The following ADAMTS20 variants were observed in gnomAD, a reference collection of about 807,000 sequenced individuals.
ADAMTS20 encodes the protein ADAM metallopeptidase with thrombospondin type 1 motif 20.
In ADAMTS20, 225 loss-of-function variants were observed where a neutral mutation model predicts 260.1. That is an observed-to-expected ratio of 0.87 (90% confidence interval 0.78 to 0.97). The LOEUF is 0.97. ADAMTS20 is among the 50% of genes least tolerant of loss of function. The probability of loss-of-function intolerance (pLI) is 0.00; values close to 1 mark genes in which losing one functional copy is unlikely to be tolerated. For missense variants in ADAMTS20, 2,400 were observed against 2,337.7 expected, an observed-to-expected ratio of 1.03 and a Z score of -0.55; for synonymous variants, 802 against 769.5, an observed-to-expected ratio of 1.04 and a Z score of -0.70.
intron 7 of ADAMTS20, among the ~76,000 whole-genome samples, chr12:43,474,140 A>G (rs541371482): frequency 2.0e-5 from 3 of 150,776 alleles, no homozygotes; most frequent in African/African-American, 7.3e-5. Context: ...GACACAATAA[A>G]AAATGATAAA....
intron 2 of ADAMTS20, among the ~76,000 whole-genome samples, chr12:43,535,620 C>G (rs1217699361): frequency 6.6e-6 from 1 of 152,054 alleles, no homozygotes; most frequent in Non-Finnish European, 1.5e-5. Flanking sequence ...CTTATCAACA[C>G]TTCAAAATTA....
intron 28 of ADAMTS20, among the ~76,000 whole-genome samples, chr12:43,406,454 C>G (rs770771162): frequency 3.9e-4 from 59 of 152,040 alleles, no homozygotes; most frequent in Admixed American, 1.1e-3. Flanking sequence ...CTTTAGAACA[C>G]TATTATGAAA....
intron 4 of ADAMTS20, among the ~76,000 whole-genome samples, chr12:43,501,460 TACGCGCGCGCGCGC>T (rs1348650276): frequency 2.2e-5 from 2 of 92,098 alleles, no homozygotes; most frequent in South Asian, 6.8e-4. Context: ...TGGAGGGGGA[TACGCGCGCGCGCGC>T]GCGCGCGCAC....
chr12:43,480,751 A>T (rs1322023685), intron 7 of ADAMTS20, among the ~76,000 whole-genome samples: 1 of 152,174 alleles, frequency 6.6e-6, no homozygotes, highest in East Asian at 1.9e-4. Context: ...AATCTAAAAA[A>T]GTCGAACTCT....
Position 43,502,261 on chromosome 12 carries a change from CG to C in ADAMTS20, c.757del (p.Arg253ValfsTer32). ...AATGTATCTTGGATATGATATAAGA[CG>C]TTTTTTCCTGGAATGTCTTCTTTCA... is the stretch of plus-strand genomic sequence containing the variant. ...KDERRHSRKK[R>X]LISYPRYIEI... On this transcript the variant is annotated frameshift_variant, in exon 4 of 39. Coordinates refer to ENST00000389420, the MANE Select transcript of ADAMTS20 (RefSeq NM_025003.5). LOFTEE classifies it high-confidence loss of function. The C allele has an allele frequency of 6.2e-7, 1 of 1,612,116 alleles. No homozygotes were observed. Among genetic ancestry groups the C allele is most frequent in the Admixed American group, 1.7e-5 (1 of 59,512 alleles).
intron 31 of ADAMTS20, among the ~76,000 whole-genome samples, chr12:43,380,864 A>C (rs1024103037): frequency 6.6e-6 from 1 of 152,180 alleles, no homozygotes; most frequent in Middle Eastern, 3.2e-3. Flanking sequence ...GCTGGCTCTT[A>C]CATAGAACTT....
At chr12:43,494,589 G>A (rs1942650306) in intron 4 of ADAMTS20, among the ~76,000 whole-genome samples, 1 of 152,156 alleles carries the variant, frequency 6.6e-6, no homozygotes, top group Non-Finnish European at 1.5e-5. Context: ...GGCTCTGGTG[G>A]TAGCATGTTT....
At chr12:43,482,504 ACTGCCAC>A (rs1376260078) in intron 7 of ADAMTS20, among the ~76,000 whole-genome samples, 9 of 152,132 alleles carry the variant, frequency 5.9e-5, no homozygotes, top group Non-Finnish European at 1.3e-4. Flanking sequence ...AGTGGGGCTT[ACTGCCAC>A]CTCCCAGTGT....
chr12:43,545,905 A>T (rs950157963), intron 2 of ADAMTS20, among the ~76,000 whole-genome samples: 2 of 152,088 alleles, frequency 1.3e-5, no homozygotes, highest in African/African-American at 4.8e-5. Context: ...CTCTTGAAAG[A>T]CCTGGACTAA....
intron 29 of ADAMTS20, among the ~76,000 whole-genome samples, chr12:43,394,236 A>G (rs1940654185): frequency 1.3e-5 from 2 of 152,092 alleles, no homozygotes; most frequent in Admixed American, 6.6e-5. Context: ...CACTAATAAA[A>G]TCAGGGCTCT....
chr12:43,412,556 CT>C (rs138436960), intron 28 of ADAMTS20, among the ~76,000 whole-genome samples: 1,712 of 152,236 alleles, frequency 0.011, 42 homozygotes, highest in African/African-American at 0.04. Context: ...GAAAGTTCTC[CT>C]GATTTCACCT....
chr12:43,416,520 T>C (rs1941132482), intron 28 of ADAMTS20, among the ~76,000 whole-genome samples: 1 of 144,958 alleles, frequency 6.9e-6, no homozygotes, highest in African/African-American at 2.5e-5. Context: ...CAAGTCAAAC[T>C]GACCTTTTTT....
chr12:43,356,644 C>T (rs958454584), intron 37 of ADAMTS20, 56 bp from the exon 38 acceptor site: 3 of 1,302,488 alleles, frequency 2.3e-6, no homozygotes, highest in African/African-American at 2.9e-5. Context: ...TATTTGATTA[C>T]AAATAAGTCT....
At position 43,439,733 on chromosome 12, in the gene ADAMTS20, A is replaced by C; in HGVS notation, c.2482T>G (p.Leu828Val). ...LILQVLCVGN[L>V]YNPDVHYSFN... Reference sequence around the variant, plus strand: ...GAATAATGTACATCAGGGTTGTATAAATTACCCACACACAACACCTCAATA... The same window carrying C: ...GAATAATGTACATCAGGGTTGTATACATTACCCACACACAACACCTCAATA... Residue 828 changes from leucine to valine, a missense_variant, in exon 18 of 39, where the codon TTA (leucine) becomes GTA (valine). Physicochemically the swap from Leu to Val is conservative, Grantham distance 32. Coordinates refer to ENST00000389420, the MANE Select transcript of ADAMTS20 (RefSeq NM_025003.5). 1 of 1,612,348 alleles carries C rather than the reference A, an allele frequency of 6.2e-7. No homozygotes were observed. Among genetic ancestry groups the C allele is most frequent in the Non-Finnish European group, 8.5e-7 (1 of 1,179,082 alleles).
At chr12:43,521,056 C>T (rs190640719) in intron 3 of ADAMTS20, among the ~76,000 whole-genome samples, 254 of 152,332 alleles carry the variant, frequency 1.7e-3, no homozygotes, top group African/African-American at 5.8e-3. Context: ...CTTCATGATA[C>T]CTCACCTTAC....
At chr12:43,499,568 C>T (rs1430721810) in intron 4 of ADAMTS20, among the ~76,000 whole-genome samples, 1 of 150,526 alleles carries the variant, frequency 6.6e-6, no homozygotes, top group African/African-American at 2.5e-5. Context: ...GGCTGGGAAC[C>T]GAGATTCCCA....
intron 2 of ADAMTS20, among the ~76,000 whole-genome samples, chr12:43,549,111 ATGAT>A (rs1195436661): frequency 2.0e-5 from 3 of 151,980 alleles, no homozygotes; most frequent in East Asian, 1.9e-4. Context: ...TATAACATAA[ATGAT>A]TGATTTCATT....
intron 29 of ADAMTS20, among the ~76,000 whole-genome samples, chr12:43,393,516 T>A (rs546160465): frequency 6.6e-6 from 1 of 152,150 alleles, no homozygotes; most frequent in East Asian, 1.9e-4. Flanking sequence ...TTATAGCTAT[T>A]GCGGAGCAGA....
intron 37 of ADAMTS20, among the ~76,000 whole-genome samples, chr12:43,368,678 A>T (rs941901160): frequency 2.6e-5 from 4 of 152,006 alleles, no homozygotes; most frequent in Admixed American, 1.3e-4. Flanking sequence ...TCTAGCTTAC[A>T]ATTCTTCATC....
Sources: gnomAD v4.1 joint callset for allele counts (sites outside exome capture counted in the v4.1 genomes callset) on GRCh38, gnomAD v4.1.1 for gene constraint, MANE v1.5 for transcripts, NCBI Gene and HGNC (gene_info 2026-07-23, HGNC 2026-07-21) for gene names.